The following INSRR variants were observed in gnomAD, a reference collection of about 807,000 sequenced individuals.
INSRR encodes the protein insulin receptor-related protein.
In INSRR, 114 loss-of-function variants were observed where a neutral mutation model predicts 130.0. The observed-to-expected ratio is 0.88, with a 90% confidence interval of 0.75 to 1.02. INSRR has a LOEUF of 1.02. Ranked by LOEUF, INSRR falls within the 50% of genes least tolerant of loss-of-function variation. The probability of loss-of-function intolerance (pLI) is 0.00; values close to 1 mark genes in which losing one functional copy is unlikely to be tolerated. For synonymous variants in INSRR, 674 were observed against 705.2 expected (o/e 0.96, Z 0.70); for missense variants, 1,657 against 1,735.2 (o/e 0.95, Z 0.80).
Position 156,841,513 on chromosome 1 carries a change from T to C in INSRR, c.3543A>G (p.Val1181=). The C allele has an allele frequency of 6.2e-7, 1 of 1,613,746 alleles. No individual in the cohort carries two copies. Among genetic ancestry groups the C allele is most frequent in the Middle Eastern group, 1.6e-4 (1 of 6,062 alleles). The change falls in exon 21 of 22, where the codon GTA becomes GTG. Residue 1181 remains valine, a synonymous_variant. Transcript: ENST00000368195. ...CTGCCAGGGTCACAATCTCCCAGAG[T>C]ACCACGCCAAAGGACCTGGGGGCAT... ...THSDVWSFGV[V]LWEIVTLAEQ... is the part of the protein sequence containing the mutation.
At chr1:156,851,189 G>A (rs775921652) in intron 5 of INSRR, 101 bp downstream of exon 5, 6 of 1,350,110 alleles carry the variant, frequency 4.4e-6, no homozygotes, top group Non-Finnish European at 6.4e-6. Flanking sequence ...CGCCTAGTGA[G>A]TAGCAAAATT....
At position 156,840,585 on chromosome 1, in the gene INSRR, G is replaced by C; in HGVS notation, c.*288C>G. On this transcript the variant is annotated 3_prime_UTR_variant, in exon 22 of 22. Coordinates refer to ENST00000368195, the MANE Select transcript of INSRR (RefSeq NM_014215.3). ...TGGGCGGGCCCCCTCTTCCTAGTCT[G>C]AGTGGGGTCCCTACCTCTGAGGGCA... 2.1e-6 allele frequency: 1 copy of C among 475,478 alleles called. No individual in the cohort carries two copies. The highest frequency in any genetic ancestry group is 2.4e-5 in the South Asian group (1 of 42,020). 29.5% of individuals were successfully genotyped at this position (475,478 alleles called of 1,614,324 possible). A position where few individuals can be genotyped will look rare whatever the true frequency, so the allele number is the denominator to read the frequency against.
In INSRR at chr1:156,858,550, C is replaced by A; in HGVS notation, c.72G>T (p.Leu24=). 3.1e-6 allele frequency: 5 copies of A among 1,613,866 alleles called. No homozygotes were observed. The highest frequency in any genetic ancestry group is 4.2e-6 in the Non-Finnish European group (5 of 1,179,870). ...CTGGGGACTCACCCTCTACTGTATC[C>A]AGGCCAAATCCCAAGGAGAGGAAGA... ...PVIFLSLGFG[L]DTVEVCPSLD... The change falls in exon 1 of 22, where the codon CTG becomes CTT. Residue 24 remains leucine, a synonymous_variant. Transcript: ENST00000368195.
At chr1:156,858,143 C>T (rs1044846106) in intron 1 of INSRR, among the ~76,000 whole-genome samples, 15 of 152,194 alleles carry the variant, frequency 9.9e-5, no homozygotes, top group Non-Finnish European at 2.1e-4. Context: ...GGCAACATTG[C>T]CTCCATTACT....
rs1655124469 is a variant in INSRR, at chr1:156,849,375, T to C, written c.1315A>G (p.Lys439Glu). The C allele has an allele frequency of 6.2e-7, 1 of 1,613,584 alleles. No individual in the cohort carries two copies. The change falls in exon 6 of 22, where the codon AAG (lysine) becomes GAG (glutamate). Residue 439 changes from lysine (K) to glutamate (E), a missense_variant. Physicochemically the swap from Lys to Glu is moderately conservative, Grantham distance 56 (BLOSUM62 1). Coordinates refer to ENST00000368195, the MANE Select transcript of INSRR (RefSeq NM_014215.3). ...VAAGLTIPVGKIYFAFNPRLC... is the reference protein window; with the variant it reads ...VAAGLTIPVGEIYFAFNPRLC... ...CGCGGGTTGAAGGCGAAGTAGATCT[T>C]GCCCACGGGAATGGTGAGCCCCGCG...
chr1:156,841,393 C>CAGCT lies in INSRR; in HGVS notation c.3659_3662dup (p.Gln1222AlafsTer60). 1 of 1,613,644 alleles carries CAGCT rather than the reference C, an allele frequency of 6.2e-7. No homozygotes were observed. The highest frequency in any genetic ancestry group is 2.2e-5 in the East Asian group (1 of 44,862). ...AGGAAGGGGCAGGGGAGGTGACTCACAGCTGAAGGGGACAGCCCTCCAGCT... is the reference window on the plus strand; with the variant it reads ...AGGAAGGGGCAGGGGAGGTGACTCACAGCTAGCTGAAGGGGACAGCCCTCCAGCT... On this transcript the variant is annotated frameshift_variant and splice_region_variant. Transcript: ENST00000368195. LOFTEE classifies it high-confidence loss of function.
At chr1:156,847,714 G>C (rs1471142873) in intron 7 of INSRR, among the ~76,000 whole-genome samples, 1 of 152,058 alleles carries the variant, frequency 6.6e-6, no homozygotes, top group African/African-American at 2.4e-5. Flanking sequence ...CAGGTGTCCT[G>C]TGAGGCATGA....
In INSRR at chr1:156,849,318, C is replaced by A. The variant is rs1447108891; in HGVS notation, c.1372G>T (p.Glu458Ter). The A allele has an allele frequency of 6.2e-7, 1 of 1,613,964 alleles. No homozygotes were observed. The highest frequency in any genetic ancestry group is 8.5e-7 in the Non-Finnish European group (1 of 1,180,014). Residue 458 changes from glutamate (E) to a stop codon, truncating the protein, a stop_gained, in exon 6 of 22, where the codon GAG (glutamate) becomes TAG (stop). Transcript: ENST00000368195. LOFTEE classifies it high-confidence loss of function. ...LCLEHIYRLE[E>*]VTGTRGRQNK... ...TGCCGACCTCGCGTGCCTGTCACCT[C>A]CTCCAGTCGGTAGATGTGTTCCAAG...
chr1:156,845,721 T>G lies in INSRR; in HGVS notation c.2072A>C (p.Gln691Pro). ...AEMESDCCPCQHPPPGQVLPP... is the reference protein window; with the variant it reads ...AEMESDCCPCPHPPPGQVLPP... ...CAGAACCTGACCAGGAGGTGGGTGCTGGCAAGGGCAGCAGTCGGACTCCAT... is the reference window on the plus strand; with the variant it reads ...CAGAACCTGACCAGGAGGTGGGTGCGGGCAAGGGCAGCAGTCGGACTCCAT... The change falls in exon 10 of 22, where the codon CAG becomes CCG. Residue 691 changes from glutamine (Q) to proline (P), a missense_variant. Transcript: ENST00000368195. 6.2e-7 allele frequency: 1 copy of G among 1,613,586 alleles called. No homozygotes were observed. Among genetic ancestry groups the G allele is most frequent in the Non-Finnish European group, 8.5e-7 (1 of 1,179,856 alleles).
Position 156,854,283 on chromosome 1 carries a change from G to A in INSRR, c.106C>T (p.Arg36Cys), listed in dbSNP as rs762658989. 5.8e-5 allele frequency: 93 copies of A among 1,611,820 alleles called. No individual in the cohort carries two copies. The highest frequency in any genetic ancestry group is 7.1e-5 in the Non-Finnish European group (84 of 1,179,308). The change falls in exon 2 of 22, where the codon CGC (arginine) becomes TGC (cysteine). Residue 36 changes from arginine to cysteine, a missense_variant. Arg to Cys is a radical substitution (Grantham distance 180, BLOSUM62 -3). Coordinates refer to ENST00000368195, the MANE Select transcript of INSRR (RefSeq NM_014215.3). This position sits in a 1 kb window ranked among gnomAD's most constrained non-coding sequence, Gnocchi z 4.2. ...TVEVCPSLDI[R>C]SEVAELRQLE... ...TGACGAAGCTCTGCCACCTCTGAGC[G>A]AATATCCAGGCTGGGGCACACTGTG...
chr1:156,842,178 A>G lies in INSRR; in HGVS notation c.3331T>C (p.Phe1111Leu). Residue 1111 changes from phenylalanine (F) to leucine (L), a missense_variant, in exon 19 of 22, where the codon TTT (phenylalanine) becomes CTT (leucine). Physicochemically the swap from Phe to Leu is conservative, Grantham distance 22. Coordinates refer to ENST00000368195, the MANE Select transcript of INSRR (RefSeq NM_014215.3). ...CGGGCTGCTAGATCTCGGTGCACAA[A>G]CTTGTTGGCAGCAAGGTAGGCCATG... is the stretch of plus-strand genomic sequence containing the variant. ...DGMAYLAANK[F>L]VHRDLAARNC... is the part of the protein sequence containing the mutation. The G allele has an allele frequency of 6.2e-7, 1 of 1,613,428 alleles. No homozygotes were observed. Among genetic ancestry groups the G allele is most frequent in the Non-Finnish European group, 8.5e-7 (1 of 1,179,824 alleles).
intron 9 of INSRR, 25 bp downstream of exon 9, chr1:156,845,927 C>A (rs1371147209): frequency 6.2e-7 from 1 of 1,605,940 alleles, no homozygotes; most frequent in Admixed American, 1.7e-5. Context: ...GCCCCGCGGC[C>A]GGCCTGCGCG....
chr1:156,840,785 T>A lies in INSRR; in HGVS notation c.*88A>T. On this transcript the variant is annotated 3_prime_UTR_variant, in exon 22 of 22. Transcript: ENST00000368195. ...GGCCATCCCTTGCCCTGAGTTGGGG[T>A]GGGGGTGAACATTCAGGCGTCTCAG... 9.9e-7 allele frequency: 1 copy of A among 1,009,124 alleles called. No individual in the cohort carries two copies. Among genetic ancestry groups the A allele is most frequent in the Non-Finnish European group, 1.5e-6 (1 of 658,654 alleles). The allele number at this position is 1,009,124 out of a possible 1,614,324, so 62.5% of individuals were successfully genotyped here.
At chr1:156,845,910 C>T (rs1388438838) in intron 9 of INSRR, 42 bp downstream of exon 9, 2 of 1,600,728 alleles carry the variant, frequency 1.2e-6, no homozygotes, top group Non-Finnish European at 1.7e-6. Context: ...TCTCCCCTTC[C>T]CCACCCGCCC....
At chr1:156,846,251 C>A in intron 8 of INSRR, 132 bp from the exon 9 acceptor site, 1 of 993,570 alleles carries the variant, frequency 1.0e-6, no homozygotes, top group Non-Finnish European at 1.4e-6. Context: ...CCCCTGGCTT[C>A]CTAGAACTCA....
At position 156,858,773 on chromosome 1, in the gene INSRR, C is replaced by A; in HGVS notation, c.-152G>T. 1 of 643,044 alleles carries A rather than the reference C, an allele frequency of 1.6e-6. No individual in the cohort carries two copies. Among genetic ancestry groups the A allele is most frequent in the South Asian group, 1.8e-5 (1 of 56,564 alleles). The allele number at this position is 643,044 out of a possible 1,614,324, so 39.8% of individuals were successfully genotyped here. ...GACAAGGAATCCCACACAGAGACAG[C>A]AGGAGACAGAAAAAAAGAAATGAGA... On this transcript the variant is annotated 5_prime_UTR_variant, in exon 1 of 22. Coordinates refer to ENST00000368195, the MANE Select transcript of INSRR (RefSeq NM_014215.3).
intron 6 of INSRR, 68 bp from the exon 7 acceptor site, chr1:156,849,115 C>A: frequency 1.3e-6 from 2 of 1,596,834 alleles, no homozygotes; most frequent in Non-Finnish European, 1.7e-6. Context: ...CCTGACCCCG[C>A]GGCATCCCAT....
Position 156,841,692 on chromosome 1 carries a change from C to T in INSRR, c.3500G>A (p.Gly1167Glu). 1.2e-6 allele frequency: 2 copies of T among 1,614,074 alleles called. No individual in the cohort carries two copies. Among genetic ancestry groups the T allele is most frequent in the South Asian group, 2.2e-5 (2 of 91,066 alleles). Residue 1167 changes from glycine (G) to glutamate (E), a missense_variant, in exon 20 of 22, where the codon GGG (glycine) becomes GAG (glutamate). Transcript: ENST00000368195. The part of the protein sequence containing the change: ...RWMAPESLKD[G>E]IFTTHSDVWS... ...GACATCCGAGTGGGTGGTGAAGATC[C>T]CATCTTTGAGGGACTCGGGGGCCAT...
In INSRR at chr1:156,843,245, T is replaced by TGG. The variant is rs1208894766; in HGVS notation, c.2897-14_2897-13dup. On this transcript the variant is annotated splice_polypyrimidine_tract_variant and intron_variant, in intron 16 of 21. Coordinates refer to ENST00000368195, the MANE Select transcript of INSRR (RefSeq NM_014215.3). ...ATCAGGGACATACACTGCAAGGAGG[T>TGG]GGAGGGTCACAAAGCGAGGATGCTG... The TGG allele has an allele frequency of 6.2e-7, 1 of 1,612,652 alleles. No individual in the cohort carries two copies. The highest frequency in any genetic ancestry group is 1.1e-5 in the South Asian group (1 of 91,052).
Sources: gnomAD v4.1 joint callset for allele counts (sites outside exome capture counted in the v4.1 genomes callset) on GRCh38, gnomAD v4.1.1 for gene constraint, Gnocchi (gnomAD v3.1) non-coding constraint, MANE v1.5 for transcripts, NCBI Gene and HGNC (gene_info 2026-07-23, HGNC 2026-07-21) for gene names.